The following PDE7A variants were observed in gnomAD, a reference collection of about 807,000 sequenced individuals.
PDE7A encodes the protein high affinity 3',5'-cyclic-AMP phosphodiesterase 7A.
Under a neutral mutation model 64.3 loss-of-function variants are expected in PDE7A, and 39 were observed. The observed-to-expected ratio is 0.61, with a 90% CI of 0.47 to 0.79. The LOEUF (loss-of-function observed/expected upper bound fraction) is 0.79. PDE7A is among the 30% of genes least tolerant of loss of function. The probability of loss-of-function intolerance (pLI) is 0.00; values close to 1 mark genes in which losing one functional copy is unlikely to be tolerated. For synonymous variants in PDE7A, 203 were observed against 206.8 expected, an observed-to-expected ratio of 0.98 and a Z score of 0.16; for missense variants, 470 against 582.8, an observed-to-expected ratio of 0.81 and a Z score of 1.99.
rs1179431555 is a variant in PDE7A, at chr8:65,730,171, C to CTTTTTTTTTTTTT, written c.697-2883_697-2871dup. ...TGTGAGGGATCCAGGTTGCGCACTT[C>CTTTTTTTTTTTTT]TTTTTTTTTTTTTTTTTTTTTTTTT... is the stretch of plus-strand genomic sequence containing the variant. On this transcript the variant is annotated intron_variant, in intron 7 of 12. Coordinates refer to ENST00000401827, the MANE Select transcript of PDE7A (RefSeq NM_001242318.3). Among the ~76,000 whole-genome samples the CTTTTTTTTTTTTT allele has an allele frequency of 8.3e-4, 72 of 86,438 alleles. 7 individuals carry two copies. Among genetic ancestry groups the CTTTTTTTTTTTTT allele is most frequent in the African/African-American group, 3.1e-3 (64 of 20,930 alleles). The allele number at this position is 86,438 out of a possible 152,430, so 56.7% of individuals were successfully genotyped here. A position where few individuals can be genotyped will look rare whatever the true frequency, so the allele number is the denominator to read the frequency against.
At chr8:65,793,113 A>G (rs931102974) in intron 1 of PDE7A, among the ~76,000 whole-genome samples, 3 of 152,186 alleles carry the variant, frequency 2.0e-5, no homozygotes, top group Non-Finnish European at 2.9e-5. Context: ...TAAGAACCAA[A>G]CAGAGCCCCA....
At position 65,815,232 on chromosome 8, in the gene PDE7A, C is replaced by T. The variant is rs536229003; in HGVS notation, c.138+26139G>A. 2.0e-5 allele frequency among the ~76,000 whole-genome samples: 3 copies of T among 152,278 alleles called. No individual in the cohort carries two copies. In the South Asian group the frequency reaches 6.2e-4, roughly 32 times the overall value. Reference sequence around the variant, plus strand: ...AATGATAGATAATCTATGATCCCAGCTTTCGAGAGTTTAAACTAAGCCCTA... The same window carrying T: ...AATGATAGATAATCTATGATCCCAGTTTTCGAGAGTTTAAACTAAGCCCTA... On this transcript the variant is annotated intron_variant, in intron 1 of 12. Coordinates refer to ENST00000401827, the MANE Select transcript of PDE7A (RefSeq NM_001242318.3).
At chr8:65,780,492 C>T (rs1809383912) in intron 2 of PDE7A, among the ~76,000 whole-genome samples, 1 of 152,094 alleles carries the variant, frequency 6.6e-6, no homozygotes, top group Non-Finnish European at 1.5e-5. Flanking sequence ...CACATTACTT[C>T]CAGATTTATT....
chr8:65,784,099 C>G (rs1809486724), intron 1 of PDE7A, among the ~76,000 whole-genome samples: 1 of 151,950 alleles, frequency 6.6e-6, no homozygotes, highest in Non-Finnish European at 1.5e-5. Context: ...ATCCCAGATA[C>G]TTGGGAGGCT....
At chr8:65,789,005 A>T in intron 1 of PDE7A, 1 of 1,596,530 alleles carries the variant, frequency 6.3e-7, no homozygotes, top group Non-Finnish European at 8.6e-7. Flanking sequence ...AAAACTTCTT[A>T]GGAGTCTGAT....
intron 3 of PDE7A, among the ~76,000 whole-genome samples, chr8:65,754,558 G>T (rs538213144): frequency 1.3e-5 from 2 of 150,492 alleles, no homozygotes; most frequent in Admixed American, 6.6e-5. Context: ...GGCTGGTCTC[G>T]AACTCCTGAC....
At chr8:65,768,421 G>T (rs1808909380) in intron 3 of PDE7A, among the ~76,000 whole-genome samples, 1 of 152,112 alleles carries the variant, frequency 6.6e-6, no homozygotes, top group South Asian at 2.1e-4. Flanking sequence ...AGTCTCAGGA[G>T]ATCTCATGGT....
At chr8:65,766,663 C>A (rs1374436960) in intron 3 of PDE7A, among the ~76,000 whole-genome samples, 2 of 152,240 alleles carry the variant, frequency 1.3e-5, no homozygotes. Context: ...CTCCCTCTCT[C>A]CTCTTCCTCC....
At chr8:65,810,360 T>TGGG (rs370920760) in intron 1 of PDE7A, among the ~76,000 whole-genome samples, 1 of 124,224 alleles carries the variant, frequency 8.0e-6, no homozygotes, top group Non-Finnish European at 1.7e-5. Context: ...GGTGGGGGGA[T>TGGG]GGGGGAGGGA....
intron 1 of PDE7A, among the ~76,000 whole-genome samples, chr8:65,835,463 T>C (rs758106679): frequency 5.3e-5 from 8 of 152,220 alleles, no homozygotes; most frequent in Non-Finnish European, 1.2e-4. Flanking sequence ...CTGTTAACGA[T>C]CTTAGACAAA....
intron 6 of PDE7A, among the ~76,000 whole-genome samples, 194 bp from the exon 7 acceptor site, chr8:65,735,088 A>G (rs1266054623): frequency 6.6e-6 from 1 of 152,184 alleles, no homozygotes; most frequent in Non-Finnish European, 1.5e-5. Context: ...TTGACTCTCT[A>G]TGCTATCATG....
At chr8:65,814,638 T>C (rs1219232010) in intron 1 of PDE7A, among the ~76,000 whole-genome samples, 1 of 151,716 alleles carries the variant, frequency 6.6e-6, no homozygotes, top group African/African-American at 2.4e-5. Context: ...TTCAGGAAAC[T>C]ATAAACATTG....
intron 1 of PDE7A, among the ~76,000 whole-genome samples, chr8:65,820,699 C>A (rs1278006105): frequency 3.3e-5 from 5 of 151,090 alleles, no homozygotes; most frequent in African/African-American, 1.2e-4. Context: ...AAGCGATCCT[C>A]GTGCCTCAGC....
chr8:65,789,947 G>A (rs1809655654), intron 1 of PDE7A, among the ~76,000 whole-genome samples: 1 of 152,204 alleles, frequency 6.6e-6, no homozygotes, highest in Non-Finnish European at 1.5e-5. Context: ...ACACAAAATT[G>A]CAACTGTAAC....
chr8:65,814,319 G>A (rs1423018092), intron 1 of PDE7A, among the ~76,000 whole-genome samples: 3 of 151,300 alleles, frequency 2.0e-5, no homozygotes, highest in East Asian at 3.9e-4. Flanking sequence ...AGACCATCCC[G>A]GCTAAAACGG....
chr8:65,771,629 A>G (rs1346156619), intron 3 of PDE7A, among the ~76,000 whole-genome samples: 1 of 152,114 alleles, frequency 6.6e-6, no homozygotes, highest in East Asian at 1.9e-4. Context: ...TAATCCCAGC[A>G]CTTTGGGAGG....
intron 1 of PDE7A, among the ~76,000 whole-genome samples, chr8:65,827,509 C>T (rs758453820): frequency 4.8e-4 from 73 of 152,210 alleles, no homozygotes; most frequent in Non-Finnish European, 9.0e-4. Context: ...CCATAACACT[C>T]ACTTTAATTT....
intron 1 of PDE7A, among the ~76,000 whole-genome samples, chr8:65,783,316 A>G (rs550738706): frequency 1.2e-4 from 18 of 152,176 alleles, no homozygotes; most frequent in Non-Finnish European, 2.1e-4. Flanking sequence ...GCTCTCCATC[A>G]CACTTGGGGC....
intron 3 of PDE7A, among the ~76,000 whole-genome samples, chr8:65,750,087 T>G (rs1450936619): frequency 1.3e-5 from 2 of 152,234 alleles, no homozygotes; most frequent in African/African-American, 4.8e-5. Flanking sequence ...ATCTCTGTAT[T>G]TGTAAAGCAC....
Sources: allele counts gnomAD v4.1 joint callset (sites outside exome capture counted in the v4.1 genomes callset), GRCh38; gene constraint gnomAD v4.1.1; transcripts MANE v1.5; gene names NCBI Gene and HGNC (gene_info 2026-07-23, HGNC 2026-07-21).